TP53BP1: variants seen among roughly 807,000 people sequenced by gnomAD.
TP53BP1 encodes TP53-binding protein 1.
Under a neutral mutation model 200.8 loss-of-function variants are expected in TP53BP1, and 61 were observed. The ratio of observed to expected loss-of-function variants is 0.30; its 90% CI spans 0.25 to 0.38. The LOEUF (loss-of-function observed/expected upper bound fraction) is 0.38, where lower values mean the gene tolerates loss of function less well. TP53BP1 is among the 10% of genes least tolerant of loss of function. The probability of loss-of-function intolerance (pLI) is 1.00; values close to 1 mark genes in which losing one functional copy is unlikely to be tolerated. For synonymous variants in TP53BP1, 822 were observed against 844.3 expected (o/e 0.97, Z 0.46); for missense variants, 2,144 against 2,371.9 (o/e 0.90, Z 2.00).
chr15:43,460,762 C>T (rs943592327), intron 11 of TP53BP1, among the ~76,000 whole-genome samples: 3 of 151,890 alleles, frequency 2.0e-5, no homozygotes, highest in Non-Finnish European at 4.4e-5. Context: ...GTGGCTCTAA[C>T]TTATAATCCC....
chr15:43,489,877 C>T (rs1393122020), intron 4 of TP53BP1, among the ~76,000 whole-genome samples: 2 of 152,220 alleles, frequency 1.3e-5, no homozygotes, highest in South Asian at 2.1e-4. Flanking sequence ...AAAAAAATTA[C>T]GTACAGACAC....
At chr15:43,459,167 G>A (rs1252480245) in intron 11 of TP53BP1, among the ~76,000 whole-genome samples, 1 of 151,864 alleles carries the variant, frequency 6.6e-6, no homozygotes, top group Admixed American at 6.6e-5. Context: ...GTGAAATCCC[G>A]CCCCTACTAA....
intron 1 of TP53BP1, among the ~76,000 whole-genome samples, chr15:43,502,909 C>A (rs1350486414): frequency 6.6e-6 from 1 of 151,936 alleles, no homozygotes; most frequent in Non-Finnish European, 1.5e-5. Flanking sequence ...CACACCACCA[C>A]CCCCAGCTAA....
In TP53BP1 at chr15:43,415,586, G is replaced by A; in HGVS notation, c.5089+8C>T. On this transcript the variant is annotated splice_region_variant and intron_variant, in intron 23 of 27. Coordinates refer to ENST00000382044, the MANE Select transcript of TP53BP1 (RefSeq NM_001141980.3). Reference sequence around the variant, plus strand: ...TGAAGGAAGAATGAGGCAAAAAGGAGCACTTACCAGGTTTTACTGTGGCAG... The same window carrying A: ...TGAAGGAAGAATGAGGCAAAAAGGAACACTTACCAGGTTTTACTGTGGCAG... 6.2e-7 allele frequency: 1 copy of A among 1,613,996 alleles called. No homozygotes were observed. The highest frequency in any genetic ancestry group is 1.1e-5 in the South Asian group (1 of 91,078).
rs2044740537 is a variant in TP53BP1 at position 43,403,420 on chromosome 15, G to T, written c.*3963C>A. 2 of 319,086 alleles carry T rather than the reference G, an allele frequency of 6.3e-6. No homozygotes were observed. The highest frequency in any genetic ancestry group is 1.2e-5 in the Non-Finnish European group (2 of 171,306). 19.8% of individuals were successfully genotyped at this position (319,086 alleles called of 1,614,324 possible). On this transcript the variant is annotated 3_prime_UTR_variant, in exon 28 of 28. Coordinates refer to ENST00000382044, the MANE Select transcript of TP53BP1 (RefSeq NM_001141980.3). ...AAGACACTCTGCGGGTCTAAGAAAT[G>T]AAGAGTTAAATGTGGCTAGATTGGA... is the stretch of plus-strand genomic sequence containing the variant.
chr15:43,486,796 T>C (rs1225441039), intron 4 of TP53BP1, among the ~76,000 whole-genome samples: 2 of 152,134 alleles, frequency 1.3e-5, no homozygotes, highest in Non-Finnish European at 2.9e-5. Context: ...GCTAATTTTT[T>C]TGTATTTTTG....
At chr15:43,463,776 G>A (rs1231894125) in intron 11 of TP53BP1, among the ~76,000 whole-genome samples, 2 of 152,106 alleles carry the variant, frequency 1.3e-5, no homozygotes, top group Non-Finnish European at 2.9e-5. Flanking sequence ...CCCCTCCTCT[G>A]CCCTGGAGAG....
chr15:43,434,963 A>T (rs1241021817), intron 16 of TP53BP1, among the ~76,000 whole-genome samples: 2 of 152,138 alleles, frequency 1.3e-5, no homozygotes, highest in East Asian at 3.8e-4. Context: ...AACTGATGCT[A>T]AGAAAGTAAA....
chr15:43,411,991 C>T (rs1464114113), intron 24 of TP53BP1, among the ~76,000 whole-genome samples: 1 of 152,124 alleles, frequency 6.6e-6, no homozygotes, highest in Non-Finnish European at 1.5e-5. Context: ...GCAGAATCCT[C>T]AAAAGACTCC....
At chr15:43,439,708 A>G (rs943144797) in intron 15 of TP53BP1, among the ~76,000 whole-genome samples, 9 of 152,084 alleles carry the variant, frequency 5.9e-5, no homozygotes, top group Admixed American at 4.6e-4. Flanking sequence ...CAATATCAAA[A>G]ATTTCATCTC....
chr15:43,456,934 T>C lies in TP53BP1; in HGVS notation c.1674A>G (p.Pro558=), dbSNP rs757667065. ...TQIEDTEPMS[P]VLNSKFVPAE... Reference sequence around the variant, plus strand: ...CAGGAACAAATTTAGAATTGAGAACTGGAGACATGGGTTCCGTATCCTCAA... The same window carrying C: ...CAGGAACAAATTTAGAATTGAGAACCGGAGACATGGGTTCCGTATCCTCAA... Residue 558 remains proline, a synonymous_variant, in exon 12 of 28, where the codon CCA becomes CCG. Coordinates refer to ENST00000382044, the MANE Select transcript of TP53BP1 (RefSeq NM_001141980.3). 2 of 1,614,170 alleles carry C rather than the reference T, an allele frequency of 1.2e-6. No individual in the cohort carries two copies. The highest frequency in any genetic ancestry group is 3.3e-5 in the Admixed American group (2 of 60,020).
chr15:43,412,796 T>C (rs1483433776), intron 24 of TP53BP1: 1 of 482,958 alleles, frequency 2.1e-6, no homozygotes. Flanking sequence ...AGTCACAGGT[T>C]TGTCATTATT....
At chr15:43,413,041 G>A (rs1435553091) in intron 24 of TP53BP1, 78 bp downstream of exon 24, 2 of 1,406,834 alleles carry the variant, frequency 1.4e-6, no homozygotes, top group Non-Finnish European at 9.9e-7. Flanking sequence ...TACAACAGGG[G>A]GACCACCAGC....
chr15:43,425,926 G>A (rs1053124090), intron 18 of TP53BP1, among the ~76,000 whole-genome samples: 18 of 152,044 alleles, frequency 1.2e-4, no homozygotes, highest in Admixed American at 2.6e-4. Flanking sequence ...TTAGCCGGGC[G>A]CGGTGGCGGG....
At chr15:43,412,700 C>A (rs1234271249) in intron 24 of TP53BP1, 2 of 471,432 alleles carry the variant, frequency 4.2e-6, no homozygotes, top group Admixed American at 2.3e-5. Context: ...CTAGCAGATG[C>A]CCATAGAACG....
rs773594434 is a variant in TP53BP1 at position 43,432,374 on chromosome 15, G to A, written c.3495C>T (p.Ser1165=). 1.5e-5 allele frequency: 25 copies of A among 1,614,032 alleles called. No homozygotes were observed. In the African/African-American group the frequency reaches 2.3e-4, roughly 15 times the overall value. Reference sequence around the variant, plus strand: ...CTGAAACAGTTTCTGGGACCCTCAAGGAACACTCCATGGTTTGGATTCCTA... The same window carrying A: ...CTGAAACAGTTTCTGGGACCCTCAAAGAACACTCCATGGTTTGGATTCCTA... ...NNIGIQTMEC[S]LRVPETVSAA... Residue 1165 remains serine (S), a synonymous_variant, in exon 17 of 28, where the codon TCC becomes TCT. Coordinates refer to ENST00000382044, the MANE Select transcript of TP53BP1 (RefSeq NM_001141980.3).
chr15:43,491,529 A>G (rs1414248426), intron 4 of TP53BP1, 140 bp downstream of exon 4: 2 of 722,622 alleles, frequency 2.8e-6, no homozygotes, highest in Admixed American at 2.0e-5. Context: ...TTACAATACT[A>G]TCTAATACAA....
upstream of TP53BP1, among the ~76,000 whole-genome samples, chr15:43,495,765 A>C (rs1281282021): frequency 6.7e-6 from 1 of 149,922 alleles, no homozygotes; most frequent in Non-Finnish European, 1.5e-5. Context: ...TGCAGTCAGC[A>C]GAGATCGCGC....
At chr15:43,414,036 A>C in intron 23 of TP53BP1, 1 of 444,366 alleles carries the variant, frequency 2.3e-6, no homozygotes, top group Non-Finnish European at 4.6e-6. Context: ...CCTTGAGAAA[A>C]AAAACAGATA....
Sources: gnomAD v4.1 joint callset for allele counts (sites outside exome capture counted in the v4.1 genomes callset) on GRCh38, gnomAD v4.1.1 for gene constraint, MANE v1.5 for transcripts, NCBI Gene and HGNC (gene_info 2026-07-23, HGNC 2026-07-21) for gene names.